STK3: variants seen among roughly 807,000 people sequenced by gnomAD.
The protein encoded by STK3 is serine/threonine kinase 3, also known as serine/threonine-protein kinase 3.
Under a neutral mutation model 58.0 loss-of-function variants are expected in STK3, and 41 were observed. The observed-to-expected ratio is 0.71, with a 90% CI of 0.55 to 0.92. The LOEUF (loss-of-function observed/expected upper bound fraction) is 0.92. Among genes scored for constraint, STK3 ranks in the 40% least tolerant of loss-of-function variants. STK3 has a pLI of 0.00. For missense variants in STK3, 479 were observed against 602.7 expected, an observed-to-expected ratio of 0.79 and a Z score of 2.15; for synonymous variants, 170 against 191.0, an observed-to-expected ratio of 0.89 and a Z score of 0.91.
chr8:98,779,770 C>A (rs1258186801), intron 1 of STK3, among the ~76,000 whole-genome samples: 1 of 152,126 alleles, frequency 6.6e-6, no homozygotes, highest in Non-Finnish European at 1.5e-5. Context: ...TATTCAATTA[C>A]AGAGATATAG....
At chr8:98,920,730 C>T (rs1839527094) in intron 1 of STK3, among the ~76,000 whole-genome samples, 2 of 152,258 alleles carry the variant, frequency 1.3e-5, no homozygotes, top group African/African-American at 4.8e-5. Flanking sequence ...TGCCTGGCAG[C>T]ATCCTCCAGC....
At chr8:98,816,042 T>TG (rs959726445) in intron 1 of STK3, among the ~76,000 whole-genome samples, 2 of 152,182 alleles carry the variant, frequency 1.3e-5, no homozygotes, top group African/African-American at 4.8e-5. Context: ...GCTCCATCTC[T>TG]GGATCCAGCT....
chr8:98,365,966 T>C, the STK3 span, among the ~76,000 whole-genome samples: 57 of 152,276 alleles, frequency 3.7e-4, no homozygotes, highest in African/African-American at 1.4e-3. Flanking sequence ...TTTTTTTTTG[T>C]TTCTATAAGC....
At chr8:98,861,017 A>T (rs1280996870) in intron 3 of STK3, among the ~76,000 whole-genome samples, 1 of 152,024 alleles carries the variant, frequency 6.6e-6, no homozygotes, top group Admixed American at 6.6e-5. Context: ...CCAAGATCAC[A>T]CCACTACACT....
chr8:98,897,143 G>C (rs962011968), intron 1 of STK3, among the ~76,000 whole-genome samples: 1 of 152,168 alleles, frequency 6.6e-6, no homozygotes, highest in Non-Finnish European at 1.5e-5. Flanking sequence ...CCACATAGCA[G>C]GCATGACCAA....
At chr8:98,581,442 T>C (rs562915737) in intron 7 of STK3, among the ~76,000 whole-genome samples, 5 of 152,198 alleles carry the variant, frequency 3.3e-5, no homozygotes, top group African/African-American at 1.2e-4. Context: ...TACACTGCCT[T>C]GTGGAGATGA....
intron 1 of STK3, among the ~76,000 whole-genome samples, chr8:98,892,899 C>T (rs577523677): frequency 6.6e-6 from 1 of 152,222 alleles, no homozygotes; most frequent in African/African-American, 2.4e-5. Flanking sequence ...TAGCAATTCA[C>T]ACTTCAGTGT....
intron 1 of STK3, among the ~76,000 whole-genome samples, chr8:98,909,828 T>C (rs542489522): frequency 3.0e-4 from 45 of 152,388 alleles, no homozygotes; most frequent in Non-Finnish European, 5.1e-4. Context: ...TTCATGTTCA[T>C]ATTTCTATGT....
intron 3 of STK3, among the ~76,000 whole-genome samples, chr8:98,856,104 G>A (rs1182382133): frequency 5.8e-5 from 8 of 137,746 alleles, no homozygotes; most frequent in African/African-American, 1.9e-4. Context: ...GCAGTGGGCC[G>A]AGATCACACC....
At chr8:98,466,728 G>A (rs929349133) in intron 10 of STK3, among the ~76,000 whole-genome samples, 1 of 152,294 alleles carries the variant, frequency 6.6e-6, no homozygotes, top group African/African-American at 2.4e-5. Flanking sequence ...TGTATTTCCT[G>A]ATGTTGTGGT....
upstream of STK3, among the ~76,000 whole-genome samples, chr8:98,391,820 C>A (rs886995917): frequency 2.0e-5 from 3 of 152,124 alleles, no homozygotes; most frequent in East Asian, 5.8e-4. Flanking sequence ...AGAGGACATT[C>A]TTCAATATGT....
In STK3 at chr8:98,698,464, G is replaced by T. The variant is rs936486152; in HGVS notation, c.684+8003C>A. On this transcript the variant is annotated intron_variant, in intron 6 of 10. Coordinates refer to ENST00000419617, the MANE Select transcript of STK3 (RefSeq NM_006281.4). ...ATACAGTTTCTTCCTAGCCTCGATG[G>T]TCTTTACAATTTGGCATGATTTTGC... 2.6e-5 allele frequency among the ~76,000 whole-genome samples: 4 copies of T among 152,258 alleles called. 1 individual carries two copies.
intron 1 of STK3, among the ~76,000 whole-genome samples, chr8:98,908,850 A>AG (rs1295968639): frequency 1.3e-5 from 2 of 150,730 alleles, no homozygotes; most frequent in Non-Finnish European, 3.0e-5. Context: ...TCTCAAAAAA[A>AG]AAAAAAAAAA....
At chr8:98,926,298 A>T (rs555159259) in intron 1 of STK3, among the ~76,000 whole-genome samples, 4 of 152,314 alleles carry the variant, frequency 2.6e-5, no homozygotes, top group African/African-American at 9.6e-5. Flanking sequence ...TGCTCTTTAG[A>T]AGTTCTTATA....
intron 1 of STK3, chr8:98,782,175 A>C (rs1298941127): frequency 4.8e-6 from 1 of 208,736 alleles, no homozygotes; most frequent in Non-Finnish European, 9.9e-6. Context: ...GAAGCTGATC[A>C]AAGATGGGCT....
rs190891588 is a variant in STK3, at chr8:98,506,336, C to T, written c.1317+20406G>A. ...TCCCTTGGCTAGGAAAGGGAAATCCCCTGACCCCTTGTGCTTCCTGGGTGA... is the reference window on the plus strand; with the variant it reads ...TCCCTTGGCTAGGAAAGGGAAATCCTCTGACCCCTTGTGCTTCCTGGGTGA... On this transcript the variant is annotated intron_variant, in intron 10 of 10. Transcript: ENST00000419617. Among the ~76,000 whole-genome samples the T allele has an allele frequency of 2.6e-3, 400 of 152,266 alleles. 4 individuals are homozygous for T. Among genetic ancestry groups the T allele is most frequent in the African/African-American group, 9.2e-3 (382 of 41,556 alleles).
At chr8:98,523,592 C>G (rs12677171) in intron 10 of STK3, among the ~76,000 whole-genome samples, 59,851 of 151,734 alleles carry the variant, frequency 0.39, 12,140 homozygotes, top group East Asian at 0.53. Context: ...TCAGGCTGGT[C>G]TCAAACTCCT....
At chr8:98,553,010 G>A (rs1448708811) in intron 8 of STK3, among the ~76,000 whole-genome samples, 1 of 152,126 alleles carries the variant, frequency 6.6e-6, no homozygotes, top group Non-Finnish European at 1.5e-5. Context: ...TCTATTAAGT[G>A]CTACAAGAAA....
chr8:98,428,662 A>C lies in STK3; in HGVS notation n.483+5465T>G. On this transcript the variant is annotated intron_variant and non_coding_transcript_variant, in intron 3 of 3. Coordinates refer to the STK3 transcript ENST00000517832. This position sits in a 1 kb window ranked among gnomAD's most constrained non-coding sequence, Gnocchi z 6.7. ...AACCCTGGCGAGGACCCTAGGTTCG[A>C]AATCGTGGAGCACTTTGGCATTGCC... The C allele has an allele frequency of 6.2e-7, 1 of 1,614,194 alleles. No individual in the cohort carries two copies. Among genetic ancestry groups the C allele is most frequent in the Non-Finnish European group, 8.5e-7 (1 of 1,180,036 alleles).
Sources: gnomAD v4.1 joint callset for allele counts (sites outside exome capture counted in the v4.1 genomes callset) on GRCh38, gnomAD v4.1.1 for gene constraint, Gnocchi (gnomAD v3.1) non-coding constraint, MANE v1.5 for transcripts, NCBI Gene and HGNC (gene_info 2026-07-23, HGNC 2026-07-21) for gene names.